ZC3H12B: variants seen among roughly 807,000 people sequenced by gnomAD.
ZC3H12B encodes zinc finger CCCH-type containing 12B, also known as probable ribonuclease ZC3H12B.
A neutral mutation model predicts 43.9 loss-of-function variants in ZC3H12B; 7 were observed. That is an observed-to-expected ratio of 0.16 (90% CI 0.09 to 0.30). The LOEUF (loss-of-function observed/expected upper bound fraction) is 0.30, where lower values mean the gene tolerates loss of function less well. ZC3H12B is among the 10% of genes least tolerant of loss of function. The pLI, the probability that ZC3H12B is intolerant of heterozygous loss-of-function variation, is 1.00. For synonymous variants in ZC3H12B, 222 were observed against 241.7 expected (o/e 0.92, Z 0.76); for missense variants, 475 against 670.2 (o/e 0.71, Z 3.22).
the ZC3H12B span, among the ~76,000 whole-genome samples, chrX:65,269,744 C>T: frequency 9.1e-6 from 1 of 109,961 alleles, no homozygotes; most frequent in Non-Finnish European, 1.9e-5. Context: ...AAGCAGTTCT[C>T]CTGTCTCAGC....
chrX:65,057,031 T>G, the ZC3H12B span, among the ~76,000 whole-genome samples: 2 of 112,193 alleles, frequency 1.8e-5, no homozygotes, highest in Admixed American at 1.9e-4. Context: ...AGGTCTGGAC[T>G]CTTTATCCAA....
At chrX:65,443,312 G>C (rs1294843362) in intron 3 of ZC3H12B, among the ~76,000 whole-genome samples, 1 of 110,771 alleles carries the variant, frequency 9.0e-6, no homozygotes, top group African/African-American at 3.3e-5. Flanking sequence ...CTTCAACCTG[G>C]ATTCGAGCCC....
At chrX:65,485,242 T>A (rs2068109806), upstream of ZC3H12B, among the ~76,000 whole-genome samples, 1 of 112,039 alleles carries the variant, frequency 8.9e-6, no homozygotes, top group Non-Finnish European at 1.9e-5. Flanking sequence ...TCAGTAACAA[T>A]AAAAGGTAAC....
At chrX:65,455,644 T>C (rs950383423) in intron 3 of ZC3H12B, among the ~76,000 whole-genome samples, 20 of 111,275 alleles carry the variant, frequency 1.8e-4, no homozygotes, top group Non-Finnish European at 3.2e-4. Context: ...AAGATACTCC[T>C]TGAGAAGAGC....
At chrX:65,268,393 A>C in the ZC3H12B span, among the ~76,000 whole-genome samples, 30 of 112,053 alleles carry the variant, frequency 2.7e-4, no homozygotes, top group Non-Finnish European at 4.9e-4. Flanking sequence ...TACAGGGAAC[A>C]CTTTCAAGCA....
intron 3 of ZC3H12B, among the ~76,000 whole-genome samples, chrX:65,411,158 T>C (rs2066898873): frequency 8.9e-6 from 1 of 112,147 alleles, no homozygotes; most frequent in Non-Finnish European, 1.9e-5. Context: ...TACAATAACA[T>C]GTATGGAACT....
intron 3 of ZC3H12B, among the ~76,000 whole-genome samples, chrX:65,425,391 A>G (rs760522115): frequency 9.0e-6 from 1 of 111,483 alleles, no homozygotes; most frequent in Non-Finnish European, 1.9e-5. Context: ...TTTTCTAGAT[A>G]TAGGGTTATG....
At chrX:65,109,615 G>T in the ZC3H12B span, among the ~76,000 whole-genome samples, 2 of 111,658 alleles carry the variant, frequency 1.8e-5, no homozygotes, top group Middle Eastern at 4.6e-3. Flanking sequence ...CATTTGGGTT[G>T]TTTCTATCTT....
chrX:65,173,840 G>T, the ZC3H12B span, among the ~76,000 whole-genome samples: 1 of 111,675 alleles, frequency 9.0e-6, no homozygotes, highest in East Asian at 2.8e-4. Context: ...TTGCATTGAC[G>T]TTCATCAGGG....
chrX:65,161,329 G>C, the ZC3H12B span, among the ~76,000 whole-genome samples: 1 of 111,367 alleles, frequency 9.0e-6, no homozygotes, highest in East Asian at 2.8e-4. Context: ...TTAACTTTCT[G>C]TCTCGTTGAT....
chrX:65,302,599 G>A, the ZC3H12B span, among the ~76,000 whole-genome samples: 1 of 111,728 alleles, frequency 9.0e-6, no homozygotes, highest in Non-Finnish European at 1.9e-5. Context: ...TTATTCTATA[G>A]GTTCAGTGCA....
chrX:65,360,498 G>T, the ZC3H12B span, among the ~76,000 whole-genome samples: 4 of 112,179 alleles, frequency 3.6e-5, no homozygotes, highest in Non-Finnish European at 7.5e-5. Flanking sequence ...AAACCACAAT[G>T]AGATACTACC....
At chrX:65,070,104 T>G in the ZC3H12B span, among the ~76,000 whole-genome samples, 15 of 109,447 alleles carry the variant, frequency 1.4e-4, no homozygotes, top group African/African-American at 5.0e-4. Flanking sequence ...TATTTATTAC[T>G]AATTAAATTT....
chrX:65,184,746 C>T, the ZC3H12B span, among the ~76,000 whole-genome samples: 158 of 111,467 alleles, frequency 1.4e-3, 1 homozygote, highest in African/African-American at 5.0e-3. Context: ...ATGTATACAA[C>T]ATGGTACAGA....
the ZC3H12B span, among the ~76,000 whole-genome samples, chrX:65,157,179 C>T: frequency 9.0e-6 from 1 of 110,815 alleles, no homozygotes; most frequent in Non-Finnish European, 1.9e-5. Context: ...CAGAGTTTTG[C>T]CATGTTCCCC....
Position 65,408,038 on chromosome X carries a change from AGAATT to A in ZC3H12B, n.407+9337_407+9341del. On this transcript the variant is annotated intron_variant and non_coding_transcript_variant, in intron 3 of 5. Transcript: ENST00000617377. ...GGGATTAAAGTTGGAAATTGACCGGAGAATTGAGTTGCCGGGGAACAGAGCCCCGG... is the reference window on the plus strand; with the variant it reads ...GGGATTAAAGTTGGAAATTGACCGGAGAGTTGCCGGGGAACAGAGCCCCGG... 1.0e-5 allele frequency: 12 copies of A among 1,144,328 alleles called. No individual in the cohort carries two copies. In the South Asian group the frequency reaches 2.4e-4, roughly 23 times the overall value. The allele number at this position is 1,144,328 out of a possible 1,213,427, so 94.3% of individuals were successfully genotyped here.
chrX:65,227,613 C>A, the ZC3H12B span, among the ~76,000 whole-genome samples: 1 of 110,555 alleles, frequency 9.0e-6, no homozygotes, highest in Admixed American at 9.6e-5. Flanking sequence ...TTGAAAGGAT[C>A]AACAAAATTG....
At chrX:65,227,608 A>G in the ZC3H12B span, among the ~76,000 whole-genome samples, 152 of 111,784 alleles carry the variant, frequency 1.4e-3, 1 homozygote, top group African/African-American at 4.8e-3. Context: ...GTTTTTTGAA[A>G]GGATCAACAA....
At chrX:65,129,462 AC>A in the ZC3H12B span, among the ~76,000 whole-genome samples, 1 of 109,329 alleles carries the variant, frequency 9.1e-6, no homozygotes, top group East Asian at 2.9e-4. Context: ...ATGGAAAATT[AC>A]AGTCAAAGGG....
Sources: allele counts gnomAD v4.1 joint callset (sites outside exome capture counted in the v4.1 genomes callset), GRCh38; gene constraint gnomAD v4.1.1; transcripts MANE v1.5; gene names NCBI Gene and HGNC (gene_info 2026-07-23, HGNC 2026-07-21).